FER: variants seen among roughly 807,000 people sequenced by gnomAD.
FER encodes the protein FER tyrosine kinase.
Under a neutral mutation model 111.0 loss-of-function variants are expected in FER, and 63 were observed. The ratio of observed to expected loss-of-function variants is 0.57; its 90% CI spans 0.46 to 0.70. The LOEUF (loss-of-function observed/expected upper bound fraction) is 0.70, where lower values mean the gene tolerates loss of function less well. Ranked by LOEUF, FER falls within the 30% of genes least tolerant of loss-of-function variation. FER has a pLI of 0.00. For synonymous variants in FER, 327 were observed against 313.9 expected (o/e 1.04, Z -0.44); for missense variants, 914 against 954.0 (o/e 0.96, Z 0.55).
intron 18 of FER, 122 bp from the exon 19 acceptor site, chr5:109,186,078 T>A (rs914758328): frequency 5.9e-6 from 8 of 1,360,010 alleles, no homozygotes; most frequent in Non-Finnish European, 8.3e-6. Flanking sequence ...GTCATATATG[T>A]GCTCCATCAT....
intron 17 of FER, among the ~76,000 whole-genome samples, chr5:109,139,269 G>A (rs1753245634): frequency 6.6e-6 from 1 of 151,434 alleles, no homozygotes; most frequent in African/African-American, 2.4e-5. Flanking sequence ...CTGTCTTGCT[G>A]TCAACCCTGC....
chr5:108,811,870 CCTT>C (rs1332315553), intron 3 of FER, among the ~76,000 whole-genome samples: 1 of 152,152 alleles, frequency 6.6e-6, no homozygotes, highest in African/African-American at 2.4e-5. Context: ...CCTTCCTCCT[CCTT>C]TTTGTTCCAT....
At chr5:108,799,796 G>C (rs545982597) in intron 3 of FER, among the ~76,000 whole-genome samples, 1 of 151,032 alleles carries the variant, frequency 6.6e-6, no homozygotes, top group African/African-American at 2.4e-5. Flanking sequence ...TGGTGTTTCT[G>C]AGTCCAAAGG....
Position 108,972,612 on chromosome 5 carries a change from G to A in FER, c.1656+13265G>A, listed in dbSNP as rs553391543. Among the ~76,000 whole-genome samples the A allele has an allele frequency of 4.6e-5, 7 of 152,164 alleles. No homozygotes were observed. The South Asian group carries it at 8.3e-4, about 18-fold the overall frequency. On this transcript the variant is annotated intron_variant, in intron 13 of 19. Coordinates refer to ENST00000281092, the MANE Select transcript of FER (RefSeq NM_005246.4). ...ATTAAAGGTGTTTGAGAGCAATAAG[G>A]ATATTTTTACTCACTTTTTTGTATC...
chr5:109,096,514 T>C (rs1293456342), intron 16 of FER, among the ~76,000 whole-genome samples: 1 of 151,994 alleles, frequency 6.6e-6, no homozygotes, highest in Admixed American at 6.6e-5. Context: ...TGAATGCATC[T>C]TAGGATGCTT....
intron 5 of FER, among the ~76,000 whole-genome samples, chr5:108,853,143 AAACAGCGTGATCTG>A (rs1762691705): frequency 2.0e-5 from 3 of 152,194 alleles, no homozygotes; most frequent in Non-Finnish European, 4.4e-5. Context: ...TTGATAATAT[AAACAGCGTGATCTG>A]AACAGCACAA....
chr5:109,048,879 G>A (rs1023534654), intron 16 of FER, among the ~76,000 whole-genome samples: 6 of 150,784 alleles, frequency 4.0e-5, no homozygotes, highest in Non-Finnish European at 8.9e-5. Flanking sequence ...TGGTTTTACT[G>A]TTTTGCAGTT....
intron 2 of FER, among the ~76,000 whole-genome samples, chr5:108,788,113 C>T (rs759362565): frequency 6.6e-6 from 1 of 152,186 alleles, no homozygotes. Context: ...TGCTGTAACA[C>T]CCTTTTTGGG....
At chr5:109,113,188 A>T (rs753657755) in intron 17 of FER, among the ~76,000 whole-genome samples, 3 of 152,154 alleles carry the variant, frequency 2.0e-5, no homozygotes, top group Non-Finnish European at 4.4e-5. Context: ...ACAGGTTAAT[A>T]ATATGAGGAG....
At chr5:109,078,000 T>C (rs947878843) in intron 16 of FER, among the ~76,000 whole-genome samples, 2 of 152,146 alleles carry the variant, frequency 1.3e-5, no homozygotes, top group South Asian at 4.2e-4. Flanking sequence ...ATCAAAAAAG[T>C]TTTTGAAATA....
At chr5:109,179,588 C>T (rs192265933) in intron 17 of FER, among the ~76,000 whole-genome samples, 1 of 152,204 alleles carries the variant, frequency 6.6e-6, no homozygotes, top group East Asian at 1.9e-4. Context: ...TCTGTAAGTT[C>T]CACATCTGTG....
intron 12 of FER, among the ~76,000 whole-genome samples, chr5:108,958,125 A>G (rs755959745): frequency 2.7e-5 from 4 of 147,066 alleles, no homozygotes; most frequent in South Asian, 2.1e-4. Flanking sequence ...TCATTACTCA[A>G]TGAAACAAAT....
intron 17 of FER, among the ~76,000 whole-genome samples, chr5:109,151,047 CTT>C (rs1754783365): frequency 6.6e-6 from 1 of 152,034 alleles, no homozygotes; most frequent in Non-Finnish European, 1.5e-5. Flanking sequence ...TTTCTTTTCC[CTT>C]TGAAAGTAGA....
chr5:108,768,683 ATTC>A (rs1276531918), intron 2 of FER, among the ~76,000 whole-genome samples: 1 of 152,190 alleles, frequency 6.6e-6, no homozygotes, highest in East Asian at 1.9e-4. Flanking sequence ...GTACATTGAT[ATTC>A]TTCTAAGTGT....
intron 5 of FER, among the ~76,000 whole-genome samples, chr5:108,856,633 A>C (rs1196336744): frequency 6.6e-6 from 1 of 152,198 alleles, no homozygotes; most frequent in African/African-American, 2.4e-5. Flanking sequence ...AAGAGACTAT[A>C]ACTGTGCATC....
intron 1 of FER, among the ~76,000 whole-genome samples, chr5:108,750,462 G>T (rs1327679033): frequency 6.6e-6 from 1 of 152,172 alleles, no homozygotes; most frequent in Non-Finnish European, 1.5e-5. Flanking sequence ...TTCCAAAGAT[G>T]CTGGGAATAT....
At chr5:108,794,016 T>C (rs989661447) in intron 2 of FER, among the ~76,000 whole-genome samples, 2 of 152,192 alleles carry the variant, frequency 1.3e-5, no homozygotes, top group African/African-American at 4.8e-5. Context: ...TTATTTTTGA[T>C]TGGTTCATCT....
In FER at chr5:108,998,208, C is replaced by G. The variant is rs543346448; in HGVS notation, c.1656+38861C>G. On this transcript the variant is annotated intron_variant, in intron 13 of 19. Coordinates refer to ENST00000281092, the MANE Select transcript of FER (RefSeq NM_005246.4). ...GAAAAAAAAAAAAAAAAAAAAAACTCTTGCAGCTAGCTAGGTACTGCCCAA... is the reference window on the plus strand; with the variant it reads ...GAAAAAAAAAAAAAAAAAAAAAACTGTTGCAGCTAGCTAGGTACTGCCCAA... Among the ~76,000 whole-genome samples the G allele has an allele frequency of 5.5e-4, 82 of 147,896 alleles. 1 individual carries two copies. The South Asian group carries it at 0.015, about 26-fold the overall frequency.
intron 16 of FER, among the ~76,000 whole-genome samples, chr5:109,057,591 T>A (rs1375220725): frequency 6.6e-6 from 1 of 152,186 alleles, no homozygotes; most frequent in Admixed American, 6.5e-5. Context: ...GCACAAGCAG[T>A]CCTCCTGCCT....
Sources: gnomAD v4.1 joint callset for allele counts (sites outside exome capture counted in the v4.1 genomes callset) on GRCh38, gnomAD v4.1.1 for gene constraint, MANE v1.5 for transcripts, NCBI Gene and HGNC (gene_info 2026-07-23, HGNC 2026-07-21) for gene names.